AIFM2: variants seen among roughly 807,000 people sequenced by gnomAD.
AIFM2 encodes AIF family member 2, ferroptosis suppressor.
AIFM2 carries 38 observed loss-of-function variants against 35.7 expected under a neutral mutation model. That is an observed-to-expected ratio of 1.06 (90% CI 0.82 to 1.39). AIFM2 has a LOEUF of 1.39. Ranked by LOEUF, AIFM2 falls within the 40% of genes most tolerant of loss-of-function variation. The probability of loss-of-function intolerance (pLI) is 0.00; values close to 1 mark genes in which losing one functional copy is unlikely to be tolerated. For synonymous variants in AIFM2, 185 were observed against 203.5 expected (o/e 0.91, Z 0.77); for missense variants, 476 against 491.2 (o/e 0.97, Z 0.29).
intron 3 of AIFM2, among the ~76,000 whole-genome samples, chr10:70,122,766 C>T (rs140288202): frequency 6.6e-6 from 1 of 152,342 alleles, no homozygotes; most frequent in African/African-American, 2.4e-5. Context: ...AGTCTCTTAC[C>T]AGCTGTGGGA....
rs770847068 is a variant in AIFM2, at chr10:70,120,497, C to A, written c.507+10G>T. The A allele has an allele frequency of 1.2e-6, 2 of 1,614,170 alleles. No individual in the cohort carries two copies. The highest frequency in any genetic ancestry group is 2.2e-5 in the East Asian group (1 of 44,892). ...CACTTAGAGCTCCAAGGCAAGGCAG[C>A]CTGGCTCACCTCTTTCTCAGGATAT... On this transcript the variant is annotated intron_variant, in intron 5 of 8. Coordinates refer to ENST00000307864, the MANE Select transcript of AIFM2 (RefSeq NM_032797.6).
chr10:70,129,538 TA>T (rs2072605518), intron 1 of AIFM2, among the ~76,000 whole-genome samples: 2 of 152,168 alleles, frequency 1.3e-5, no homozygotes, highest in South Asian at 4.1e-4. Context: ...CTTTTGCCCA[TA>T]TCTTCGATTT....
intron 1 of AIFM2, among the ~76,000 whole-genome samples, chr10:70,125,745 A>G (rs945134979): frequency 6.6e-5 from 10 of 152,182 alleles, no homozygotes; most frequent in Admixed American, 2.0e-4. Flanking sequence ...TGCTGGGATT[A>G]CAGGCATGAA....
At position 70,123,978 on chromosome 10, in the gene AIFM2, G is replaced by C. The variant is rs778174825; in HGVS notation, c.107C>G (p.Pro36Arg). The C allele has an allele frequency of 6.8e-6, 11 of 1,613,060 alleles. 1 individual carries two copies. The South Asian group carries it at 1.1e-4, about 16-fold the overall frequency. The change falls in exon 2 of 9, where the codon CCC becomes CGC. Residue 36 changes from proline (P) to arginine (R), a missense_variant. By Grantham distance (103) the Pro-to-Arg change is moderately radical (BLOSUM62 -2). Coordinates refer to ENST00000307864, the MANE Select transcript of AIFM2 (RefSeq NM_032797.6). ...GTCCTTCATGTCCACCAGCATGAAGGGGACGTTCAGGGCCTGCAGCTGGCT... is the reference window on the plus strand; with the variant it reads ...GTCCTTCATGTCCACCAGCATGAAGCGGACGTTCAGGGCCTGCAGCTGGCT... ...AASQLQALNV[P>R]FMLVDMKDSF...
rs761801372 is a variant in AIFM2 at position 70,117,946 on chromosome 10, T to C, written c.508-26A>G. ...CTGAGGACAAAACGACCACAGGGCC[T>C]GAGAAGGAGCCCCCAAGTCTTCAAA... On this transcript the variant is annotated intron_variant, in intron 5 of 8. Coordinates refer to ENST00000307864, the MANE Select transcript of AIFM2 (RefSeq NM_032797.6). The surrounding 1 kb of genome is among the most constrained non-coding windows in gnomAD (Gnocchi z 4.7). 5 of 1,544,128 alleles carry C rather than the reference T, an allele frequency of 3.2e-6. No homozygotes were observed. The highest frequency in any genetic ancestry group is 3.4e-5 in the Admixed American group (2 of 58,076).
In AIFM2 at chr10:70,131,796, T is replaced by C. The variant is rs76251505; in HGVS notation, c.-14+938A>G. On this transcript the variant is annotated intron_variant, in intron 1 of 8. Transcript: ENST00000307864. This position sits in a 1 kb window ranked among gnomAD's most constrained non-coding sequence, Gnocchi z 4.1. ...TCTTCTTGGTGACACACTGTGCTCC[T>C]TGGAGAACTCCTCTCTAGGTGCTGG... Among the ~76,000 whole-genome samples the C allele has an allele frequency of 0.035, 5,359 of 152,248 alleles. 251 individuals are homozygous for C. The highest frequency in any genetic ancestry group is 0.24 in the East Asian group (1,216 of 5,146).
chr10:70,130,934 A>G (rs1263553493), intron 1 of AIFM2, among the ~76,000 whole-genome samples: 1 of 152,010 alleles, frequency 6.6e-6, no homozygotes, highest in Non-Finnish European at 1.5e-5. Context: ...ACACACAGAC[A>G]CACACACACA....
intron 5 of AIFM2, among the ~76,000 whole-genome samples, chr10:70,119,432 G>T (rs2072473531): frequency 6.6e-6 from 1 of 152,152 alleles, no homozygotes; most frequent in Admixed American, 6.5e-5. Flanking sequence ...GACCTGTGGG[G>T]TCTGCGCTAA....
rs146153716 is a variant in AIFM2, at chr10:70,118,521, G to A, written c.508-601C>T. Among the ~76,000 whole-genome samples the A allele has an allele frequency of 1.5e-3, 226 of 152,274 alleles. 1 individual carries two copies. Among genetic ancestry groups the A allele is most frequent in the Admixed American group, 3.7e-3 (56 of 15,300 alleles). Reference sequence around the variant, plus strand: ...TTTGTAATGATGAGCAAAAAAATACGTACAAAGCATGTAACTCAGCACATA... The same window carrying A: ...TTTGTAATGATGAGCAAAAAAATACATACAAAGCATGTAACTCAGCACATA... On this transcript the variant is annotated intron_variant, in intron 5 of 8. Transcript: ENST00000307864.
At chr10:70,127,135 C>T (rs535486518) in intron 1 of AIFM2, among the ~76,000 whole-genome samples, 1 of 152,346 alleles carries the variant, frequency 6.6e-6, no homozygotes, top group South Asian at 2.1e-4. Context: ...AGTGATGAGG[C>T]AGGCCGTGGG....
intron 1 of AIFM2, among the ~76,000 whole-genome samples, chr10:70,130,477 T>C (rs1243379231): frequency 6.6e-6 from 1 of 152,236 alleles, no homozygotes; most frequent in South Asian, 2.1e-4. Context: ...ATCCGAGTTG[T>C]AGCATGTTAT....
intron 7 of AIFM2, among the ~76,000 whole-genome samples, chr10:70,116,031 G>A (rs1012812980): frequency 1.3e-5 from 2 of 152,128 alleles, no homozygotes; most frequent in Non-Finnish European, 2.9e-5. Flanking sequence ...TCAGGGAAGG[G>A]CATTTGGGAG....
intron 4 of AIFM2, 96 bp from the exon 5 acceptor site, chr10:70,120,695 A>G: frequency 1.5e-6 from 2 of 1,360,600 alleles, no homozygotes; most frequent in Non-Finnish European, 1.0e-6. Flanking sequence ...TCCCTGGGCC[A>G]AAGGAGGGCA....
In AIFM2 at chr10:70,131,139, T is replaced by C. The variant is rs147502777; in HGVS notation, c.-14+1595A>G. ...ACAGCAGGAACCGTGTGGGCTCTGA[T>C]CAAAGCAAGAATGTCATCCCAGAGT... On this transcript the variant is annotated intron_variant, in intron 1 of 8. Coordinates refer to ENST00000307864, the MANE Select transcript of AIFM2 (RefSeq NM_032797.6). This position sits in a 1 kb window ranked among gnomAD's most constrained non-coding sequence, Gnocchi z 4.1. Among the ~76,000 whole-genome samples the C allele has an allele frequency of 2.3e-3, 343 of 152,320 alleles. No individual in the cohort carries two copies. The highest frequency in any genetic ancestry group is 4.1e-3 in the Non-Finnish European group (279 of 68,044).
rs768138196 is a variant in AIFM2, at chr10:70,121,261, TAGGGC to T, written c.295-55_295-51del. ...AAAAAAAAAAAAAAAAAGATGAGGGTAGGGCAGGGCAGGGCAGGCCTAGGCCTCTG... is the reference window on the plus strand; with the variant it reads ...AAAAAAAAAAAAAAAAAGATGAGGGTAGGGCAGGGCAGGCCTAGGCCTCTG... On this transcript the variant is annotated intron_variant, in intron 3 of 8. Coordinates refer to ENST00000307864, the MANE Select transcript of AIFM2 (RefSeq NM_032797.6). 1,135 of 1,369,138 alleles carry T rather than the reference TAGGGC, an allele frequency of 8.3e-4. 10 individuals are homozygous for T. The African/African-American group carries it at 0.018, about 21-fold the overall frequency. The allele number at this position is 1,369,138 out of a possible 1,614,324, so 84.8% of individuals were successfully genotyped here. A position where few individuals can be genotyped will look rare whatever the true frequency, so the allele number is the denominator to read the frequency against.
At chr10:70,116,008 C>T (rs2072431631) in intron 7 of AIFM2, among the ~76,000 whole-genome samples, 3 of 152,096 alleles carry the variant, frequency 2.0e-5, no homozygotes, top group African/African-American at 4.8e-5. Flanking sequence ...GGACACAAGG[C>T]AGGAGCTCCT....
In AIFM2 at chr10:70,120,556, G is replaced by T; in HGVS notation, c.458C>A (p.Ala153Asp). The T allele has an allele frequency of 6.2e-7, 1 of 1,614,148 alleles. No homozygotes were observed. The highest frequency in any genetic ancestry group is 8.5e-7 in the Non-Finnish European group (1 of 1,180,032). ...AATCTCTGCTGCCATCTCCACTCCA[G>T]CCGAGCCTCCTCCCACCACCACGAT... Reference protein sequence around the residue: ...RFIVVVGGGSAGVEMAAEIKT... With the variant: ...RFIVVVGGGSDGVEMAAEIKT... The change falls in exon 5 of 9, where the codon GCT (alanine) becomes GAT (aspartate). Residue 153 changes from alanine (A) to aspartate (D), a missense_variant. Transcript: ENST00000307864.
intron 1 of AIFM2, among the ~76,000 whole-genome samples, chr10:70,125,450 A>G (rs2072555570): frequency 2.3e-5 from 1 of 44,182 alleles, no homozygotes; most frequent in Non-Finnish European, 5.5e-5. Flanking sequence ...AAAAAAAAAA[A>G]AAAAAAAAAA....
rs1470818394 is a variant in AIFM2, at chr10:70,124,020, C to T, written c.65G>A (p.Gly22Asp). ...CAGCTGGCTGGCTGCTGCGATCCCG[C>T]CAAAGCCCCCACCCACAATCACCAC... is the stretch of plus-strand genomic sequence containing the variant. ...LHVVIVGGGF[G>D]GIAAASQLQA... is the part of the protein sequence containing the mutation. Residue 22 changes from glycine (G) to aspartate (D), a missense_variant, in exon 2 of 9, where the codon GGC becomes GAC. Physicochemically the swap from Gly to Asp is moderately conservative, Grantham distance 94. Transcript: ENST00000307864. 1.2e-6 allele frequency: 2 copies of T among 1,612,476 alleles called. No homozygotes were observed. Among genetic ancestry groups the T allele is most frequent in the Non-Finnish European group, 1.7e-6 (2 of 1,179,192 alleles).
Sources: allele counts gnomAD v4.1 joint callset (sites outside exome capture counted in the v4.1 genomes callset), GRCh38; gene constraint gnomAD v4.1.1; non-coding constraint Gnocchi (gnomAD v3.1); transcripts MANE v1.5; gene names NCBI Gene and HGNC (gene_info 2026-07-23, HGNC 2026-07-21).